OLFM2: variants seen among roughly 807,000 people sequenced by gnomAD.
The protein encoded by OLFM2 is noelin-2.
In OLFM2, 20 loss-of-function variants were observed where a neutral mutation model predicts 43.9. That is an observed-to-expected ratio of 0.46 (90% CI 0.32 to 0.66). OLFM2 has a LOEUF of 0.66. Among genes scored for constraint, OLFM2 ranks in the 30% least tolerant of loss-of-function variants. The pLI is 0.04. For synonymous variants in OLFM2, 268 were observed against 278.6 expected (o/e 0.96, Z 0.38); for missense variants, 416 against 643.6 (o/e 0.65, Z 3.83).
chr19:9,866,260 C>T (rs115232241), intron 1 of OLFM2, among the ~76,000 whole-genome samples: 2,148 of 152,208 alleles, frequency 0.014, 46 homozygotes, highest in African/African-American at 0.049. Flanking sequence ...CCCTAGGAAC[C>T]GCTGGAATGT....
At position 9,899,297 on chromosome 19, in the gene OLFM2, G is replaced by A. The variant is rs73500943; in HGVS notation, c.63+37007C>T. 9.0e-3 allele frequency among the ~76,000 whole-genome samples: 1,362 copies of A among 151,770 alleles called. 22 individuals are homozygous for A. The highest frequency in any genetic ancestry group is 0.032 in the African/African-American group (1,307 of 41,398). On this transcript the variant is annotated intron_variant, in intron 1 of 5. Transcript: ENST00000264833. ...AAAAAAAAAAGAATAAAAGCCAACA[G>A]TTCACTGTGGCCAGAAGCCTCGAAT...
intron 1 of OLFM2, among the ~76,000 whole-genome samples, chr19:9,875,717 G>A (rs774089505): frequency 1.3e-5 from 2 of 151,148 alleles, no homozygotes; most frequent in East Asian, 1.9e-4. Flanking sequence ...ACAGGGTATC[G>A]CCCTGTCTCA....
chr19:9,913,644 C>G, intron 1 of OLFM2: 1 of 1,246,382 alleles, frequency 8.0e-7, no homozygotes, highest in South Asian at 2.0e-5. Flanking sequence ...GCCCCGCGGC[C>G]GCCCGCCGCG....
At chr19:9,863,157 C>A (rs1269868762) in intron 1 of OLFM2, among the ~76,000 whole-genome samples, 1 of 152,034 alleles carries the variant, frequency 6.6e-6, no homozygotes, top group Non-Finnish European at 1.5e-5. Flanking sequence ...GCAGAGAGAA[C>A]AGCAAGTAGA....
At chr19:9,866,322 A>C (rs1568369454) in intron 1 of OLFM2, among the ~76,000 whole-genome samples, 1 of 152,122 alleles carries the variant, frequency 6.6e-6, no homozygotes, top group East Asian at 1.9e-4. Flanking sequence ...GCTTGGAAAC[A>C]AAGTCAAGAG....
chr19:9,856,896 C>T lies in OLFM2; in HGVS notation c.598G>A (p.Gly200Arg), dbSNP rs749261299. The T allele has an allele frequency of 3.0e-5, 48 of 1,610,126 alleles. No individual in the cohort carries two copies. In the East Asian group the frequency reaches 3.1e-4, roughly 10 times the overall value. Residue 200 changes from glycine (G) to arginine (R), a missense_variant, in exon 5 of 6, where the codon GGG becomes AGG. Physicochemically the swap from Gly to Arg is moderately radical, Grantham distance 125 (BLOSUM62 -2). Coordinates refer to ENST00000264833, the MANE Select transcript of OLFM2 (RefSeq NM_058164.4). The surrounding 1 kb of genome is among the most constrained non-coding windows in gnomAD (Gnocchi z 4.0). ...AQKLGCGKLT[G>R]VSNPITVRAM... ...CGAACGGTGATGGGGTTACTGACCC[C>T]GGTCAGCTTCCCACAGCCTGGGAGG...
chr19:9,875,560 G>A (rs1181191706), intron 1 of OLFM2, among the ~76,000 whole-genome samples: 1 of 148,150 alleles, frequency 6.7e-6, no homozygotes, highest in African/African-American at 2.5e-5. Flanking sequence ...GCACGATCAC[G>A]ACTCACTGCA....
intron 1 of OLFM2, among the ~76,000 whole-genome samples, chr19:9,934,502 G>GC (rs999005469): frequency 1.3e-5 from 2 of 151,874 alleles, no homozygotes; most frequent in Admixed American, 6.6e-5. Context: ...AAAATCTAGT[G>GC]CCCCCCTAGC....
In OLFM2 at chr19:9,854,878, G is replaced by A. The variant is rs543653256; in HGVS notation, c.688-15C>T. The A allele has an allele frequency of 5.8e-5, 90 of 1,547,436 alleles. No individual in the cohort carries two copies. The highest frequency in any genetic ancestry group is 4.3e-4 in the South Asian group (36 of 82,770). The stretch of plus-strand genomic sequence containing the variant: ...ATGTACCAGACCTATGGTAGCAGCC[G>A]CTGGTCACTGGGGGGAACCACCACC... On this transcript the variant is annotated splice_polypyrimidine_tract_variant and intron_variant, in intron 5 of 5. Coordinates refer to ENST00000264833, the MANE Select transcript of OLFM2 (RefSeq NM_058164.4). This position sits in a 1 kb window ranked among gnomAD's most constrained non-coding sequence, Gnocchi z 9.5.
intron 1 of OLFM2, among the ~76,000 whole-genome samples, chr19:9,881,970 G>A (rs567866340): frequency 6.6e-6 from 1 of 152,222 alleles, no homozygotes; most frequent in South Asian, 2.1e-4. Flanking sequence ...GGTGGCTCAC[G>A]CCTATAATCC....
intron 1 of OLFM2, among the ~76,000 whole-genome samples, chr19:9,932,486 G>T (rs1224392377): frequency 6.6e-6 from 1 of 151,392 alleles, no homozygotes; most frequent in Non-Finnish European, 1.5e-5. Context: ...GAAAGAGAGA[G>T]AAAGAAAAAG....
chr19:9,905,389 G>A (rs946538623), intron 1 of OLFM2, among the ~76,000 whole-genome samples: 10 of 152,164 alleles, frequency 6.6e-5, no homozygotes, highest in South Asian at 6.2e-4. Flanking sequence ...CCCGGAAGGC[G>A]GAGCTTGCAG....
chr19:9,869,026 A>G (rs1225545433), intron 1 of OLFM2, among the ~76,000 whole-genome samples: 1 of 148,300 alleles, frequency 6.7e-6, no homozygotes, highest in Non-Finnish European at 1.5e-5. Flanking sequence ...AAGCAGGGAC[A>G]TAAAACAGAG....
intron 1 of OLFM2, among the ~76,000 whole-genome samples, chr19:9,917,872 G>A (rs2086395864): frequency 8.5e-6 from 1 of 117,356 alleles, no homozygotes; most frequent in African/African-American, 3.3e-5. Flanking sequence ...CCCTACTTTA[G>A]TTGTTTTTTG....
chr19:9,932,170 A>G (rs941307668), intron 1 of OLFM2, among the ~76,000 whole-genome samples: 1 of 151,648 alleles, frequency 6.6e-6, no homozygotes. Context: ...GGCTATAAAG[A>G]AAAATATGGC....
chr19:9,854,603 G>A lies in OLFM2; in HGVS notation c.948C>T (p.Ser316=). 6.2e-7 allele frequency: 1 copy of A among 1,614,126 alleles called. No individual in the cohort carries two copies. Among genetic ancestry groups the A allele is most frequent in the Non-Finnish European group, 8.5e-7 (1 of 1,180,032 alleles). Residue 316 remains serine (S), a synonymous_variant, in exon 6 of 6, where the codon TCC becomes TCT. Transcript: ENST00000264833. This position sits in a 1 kb window ranked among gnomAD's most constrained non-coding sequence, Gnocchi z 9.5. ...GAGYNNTFPY[S]WGGFSDMDFM... ...AGTCCATGTCGGAGAAGCCGCCCCA[G>A]GAGTAGGGGAAGGTGTTGTTGTAAC...
At chr19:9,921,009 T>C (rs1315634549) in intron 1 of OLFM2, among the ~76,000 whole-genome samples, 5 of 152,212 alleles carry the variant, frequency 3.3e-5, no homozygotes, top group Admixed American at 2.6e-4. Flanking sequence ...AGTACTATCA[T>C]GTTCCAGACA....
chr19:9,902,098 G>A (rs537652441), intron 1 of OLFM2, among the ~76,000 whole-genome samples: 7 of 151,664 alleles, frequency 4.6e-5, no homozygotes, highest in African/African-American at 1.7e-4. Context: ...GCGTGATCTC[G>A]GCTCACTGCA....
At chr19:9,924,054 C>T (rs146346364) in intron 1 of OLFM2, among the ~76,000 whole-genome samples, 2,087 of 136,736 alleles carry the variant, frequency 0.015, 48 homozygotes, top group African/African-American at 0.057. Flanking sequence ...GAGCCGAGGT[C>T]GTACCACTGC....
Sources: gnomAD v4.1 joint callset for allele counts (sites outside exome capture counted in the v4.1 genomes callset) on GRCh38, gnomAD v4.1.1 for gene constraint, Gnocchi (gnomAD v3.1) non-coding constraint, MANE v1.5 for transcripts, NCBI Gene and HGNC (gene_info 2026-07-23, HGNC 2026-07-21) for gene names.